UGT1A9: variants seen among roughly 807,000 people sequenced by gnomAD.
The protein encoded by UGT1A9 is UDP glucuronosyltransferase family 1 member A9.
In UGT1A9, 35 loss-of-function variants were observed where a neutral mutation model predicts 45.0. That is an observed-to-expected ratio of 0.78 (90% CI 0.59 to 1.03). The LOEUF (loss-of-function observed/expected upper bound fraction) is 1.03, where lower values mean the gene tolerates loss of function less well. UGT1A9 is among the 50% of genes least tolerant of loss of function. The pLI is 0.00. For synonymous variants in UGT1A9, 278 were observed against 250.6 expected, an observed-to-expected ratio of 1.11 and a Z score of -1.03; for missense variants, 687 against 666.6, an observed-to-expected ratio of 1.03 and a Z score of -0.34.
In UGT1A9 at chr2:233,767,833, T is replaced by C; in HGVS notation, c.988-16T>C. On this transcript the variant is annotated splice_polypyrimidine_tract_variant and intron_variant, in intron 2 of 4. Transcript: ENST00000354728. ...TATGTTCTTTCTTTACGTTCTGCTC[T>C]TTTTGCCCCTCCCAGGTCCTGTGGC... 2 of 1,614,174 alleles carry C rather than the reference T, an allele frequency of 1.2e-6. No homozygotes were observed. Among genetic ancestry groups the C allele is most frequent in the Non-Finnish European group, 1.7e-6 (2 of 1,180,036 alleles).
chr2:233,717,663 C>T (rs953921301), intron 1 of UGT1A9: 3 of 412,194 alleles, frequency 7.3e-6, no homozygotes, highest in Non-Finnish European at 1.5e-5. Context: ...GAAGCATCAG[C>T]AATCTTGCGA....
chr2:233,681,941 G>C, intron 1 of UGT1A9: 1 of 1,612,190 alleles, frequency 6.2e-7, no homozygotes, highest in Non-Finnish European at 8.5e-7. Flanking sequence ...TTCTCTGATG[G>C]CTCGTGCAGG....
At chr2:233,722,046 G>GT (rs1419489243) in intron 1 of UGT1A9, 1 of 233,802 alleles carries the variant, frequency 4.3e-6, no homozygotes, top group East Asian at 1.2e-4. Flanking sequence ...ATTTTGTGGT[G>GT]TTTCTGGGTC....
chr2:233,770,941 G>T (rs1295256111), intron 4 of UGT1A9: 1 of 152,168 alleles, frequency 6.6e-6, no homozygotes, highest in African/African-American at 2.4e-5. Flanking sequence ...GGCTGCCGGG[G>T]GAACCTCAGG....
At chr2:233,742,734 T>C (rs1156368500) in intron 1 of UGT1A9, 3 of 152,940 alleles carry the variant, frequency 2.0e-5, no homozygotes, top group Non-Finnish European at 4.4e-5. Flanking sequence ...GGGATTCAAA[T>C]GTCTGACCTC....
chr2:233,700,872 C>T (rs2075594705), intron 1 of UGT1A9, among the ~76,000 whole-genome samples: 1 of 152,050 alleles, frequency 6.6e-6, no homozygotes, highest in African/African-American at 2.4e-5. Flanking sequence ...TCCCTCCCTC[C>T]TCCCCCCACC....
At chr2:233,736,086 A>G (rs1432268125) in intron 1 of UGT1A9, among the ~76,000 whole-genome samples, 1 of 152,152 alleles carries the variant, frequency 6.6e-6, no homozygotes, top group Admixed American at 6.5e-5. Flanking sequence ...GTTCTCCTGG[A>G]TAATATCCTG....
At chr2:233,678,570 T>A (rs960658602) in intron 1 of UGT1A9, among the ~76,000 whole-genome samples, 1 of 152,218 alleles carries the variant, frequency 6.6e-6, no homozygotes, top group Non-Finnish European at 1.5e-5. Flanking sequence ...GTACTAATCC[T>A]TCTTCCCCAT....
intron 1 of UGT1A9, among the ~76,000 whole-genome samples, chr2:233,739,789 G>C (rs1409404802): frequency 6.6e-6 from 1 of 152,118 alleles, no homozygotes; most frequent in African/African-American, 2.4e-5. Context: ...AGACTTTGGA[G>C]GACAGTTGGG....
chr2:233,734,943 C>G (rs2078589604), intron 1 of UGT1A9, among the ~76,000 whole-genome samples: 1 of 152,150 alleles, frequency 6.6e-6, no homozygotes, highest in Non-Finnish European at 1.5e-5. Flanking sequence ...ATCATATGGT[C>G]AGTTTTAGAA....
chr2:233,738,612 A>G (rs1461188273), intron 1 of UGT1A9, among the ~76,000 whole-genome samples: 3 of 152,202 alleles, frequency 2.0e-5, no homozygotes, highest in African/African-American at 7.2e-5. Context: ...TAGCAAAGAA[A>G]CTCGTGGCAT....
intron 1 of UGT1A9, chr2:233,721,762 T>C (rs1308091400): frequency 4.2e-6 from 2 of 475,048 alleles, no homozygotes; most frequent in Non-Finnish European, 8.4e-6. Context: ...ATCTAAATTG[T>C]TATATTTAGC....
intron 1 of UGT1A9, among the ~76,000 whole-genome samples, chr2:233,721,053 C>T (rs2076919169): frequency 6.6e-6 from 1 of 152,004 alleles, no homozygotes; most frequent in Admixed American, 6.6e-5. Flanking sequence ...CCTTTTTTGT[C>T]ATATTCACTG....
intron 1 of UGT1A9, chr2:233,729,607 C>A (rs776036821): frequency 1.2e-6 from 2 of 1,613,986 alleles, no homozygotes; most frequent in South Asian, 2.2e-5. Context: ...CGCGGCAGTG[C>A]TGGCTAAGTA....
chr2:233,740,931 T>C (rs1341633178), intron 1 of UGT1A9: 1 of 151,798 alleles, frequency 6.6e-6, no homozygotes, highest in Non-Finnish European at 1.5e-5. Context: ...CAAAAAGTTT[T>C]TTTTTTAATT....
intron 1 of UGT1A9, among the ~76,000 whole-genome samples, chr2:233,731,868 C>A (rs576370414): frequency 3.2e-4 from 49 of 152,324 alleles, no homozygotes; most frequent in African/African-American, 1.1e-3. Context: ...ACACTGTCTT[C>A]CACAATGGTT....
intron 1 of UGT1A9, among the ~76,000 whole-genome samples, chr2:233,721,033 A>G (rs1484813936): frequency 6.6e-6 from 1 of 152,106 alleles, no homozygotes; most frequent in Non-Finnish European, 1.5e-5. Flanking sequence ...TTCTTGTGAG[A>G]GAATTGAGCC....
intron 1 of UGT1A9, chr2:233,747,317 C>A: frequency 1.9e-6 from 3 of 1,603,212 alleles, no homozygotes; most frequent in Non-Finnish European, 2.6e-6. Flanking sequence ...CTGGTGGTAC[C>A]CATTGATGGC....
At chr2:233,713,499 G>T (rs1453599075) in intron 1 of UGT1A9, 4 of 1,614,000 alleles carry the variant, frequency 2.5e-6, no homozygotes, top group Middle Eastern at 1.7e-4. Flanking sequence ...GATTCCTGCT[G>T]TGTTTTTCTT....
Sources: allele counts gnomAD v4.1 joint callset (sites outside exome capture counted in the v4.1 genomes callset), GRCh38; gene constraint gnomAD v4.1.1; transcripts MANE v1.5; gene names NCBI Gene and HGNC (gene_info 2026-07-23, HGNC 2026-07-21).